ZNF37A: variants seen among roughly 807,000 people sequenced by gnomAD.
ZNF37A encodes zinc finger protein 37A, also known as zinc finger protein 37a (KOX 21).
Under a neutral mutation model 12.3 loss-of-function variants are expected in ZNF37A, and 10 were observed. The ratio of observed to expected loss-of-function variants is 0.82; its 90% CI spans 0.50 to 1.38. ZNF37A has a LOEUF of 1.38. Among genes scored for constraint, ZNF37A ranks in the 40% most tolerant of loss-of-function variants. The pLI is 0.00. For synonymous variants in ZNF37A, 207 were observed against 223.0 expected (o/e 0.93, Z 0.64); for missense variants, 580 against 651.2 (o/e 0.89, Z 1.19).
exon 8 of ZNF37A, chr10:38,148,663 G>A (rs66704357): frequency 0.22 from 33,519 of 151,868 alleles, 3,773 homozygotes; most frequent in Non-Finnish European, 0.24. Context: ...TTAACACCCC[G>A]CCTTTGATCC....
intron 5 of ZNF37A, among the ~76,000 whole-genome samples, chr10:38,102,406 A>G (rs1378280705): frequency 1.3e-5 from 2 of 152,202 alleles, no homozygotes; most frequent in Non-Finnish European, 1.5e-5. Context: ...AGCTTGCATT[A>G]ATACCAACTA....
chr10:38,149,479 T>C (rs1184230290), exon 8 of ZNF37A: 1 of 151,924 alleles, frequency 6.6e-6, no homozygotes, highest in African/African-American at 2.4e-5. Flanking sequence ...TAACCCCCAA[T>C]TCAGATTGTA....
chr10:38,146,366 C>T (rs1224342513), intron 7 of ZNF37A, among the ~76,000 whole-genome samples: 4 of 152,164 alleles, frequency 2.6e-5, no homozygotes, highest in African/African-American at 9.7e-5. Context: ...ATCAGCCTCC[C>T]AAAGTGCTGG....
downstream of ZNF37A, among the ~76,000 whole-genome samples, chr10:38,127,974 G>A (rs1334094283): frequency 6.6e-6 from 1 of 152,150 alleles, no homozygotes; most frequent in Non-Finnish European, 1.5e-5. Flanking sequence ...GAAACACATA[G>A]GCAGTTGAAA....
intron 5 of ZNF37A, among the ~76,000 whole-genome samples, chr10:38,102,888 C>G (rs1365700506): frequency 6.6e-6 from 1 of 151,968 alleles, no homozygotes; most frequent in Non-Finnish European, 1.5e-5. Flanking sequence ...CTGCCTCTGG[C>G]CTTCATGGTT....
At chr10:38,097,846 T>A (rs2067272911) in intron 5 of ZNF37A, among the ~76,000 whole-genome samples, 1 of 152,162 alleles carries the variant, frequency 6.6e-6, no homozygotes, top group Admixed American at 6.5e-5. Flanking sequence ...TAGAATTCAA[T>A]GACTTTAGTA....
At chr10:38,144,395 G>A (rs558078169) in intron 7 of ZNF37A, 1 of 152,146 alleles carries the variant, frequency 6.6e-6, no homozygotes, top group Non-Finnish European at 1.5e-5. Context: ...CTTACTGTCT[G>A]TATATTTTTG....
At position 38,114,933 on chromosome 10, in the gene ZNF37A, A is replaced by T. The variant is rs769070940; in HGVS notation, c.142+52A>T. 2.6e-6 allele frequency: 4 copies of T among 1,550,272 alleles called. No individual in the cohort carries two copies. In the Admixed American group the frequency reaches 8.5e-5, roughly 33 times the overall value. On this transcript the variant is annotated intron_variant, in intron 6 of 7. Coordinates refer to ENST00000685332, the MANE Select transcript of ZNF37A (RefSeq NM_001324250.3). Reference sequence around the variant, plus strand: ...AAGGCCAGAATGCATGTCCTTTCTTATCAATAGAAACTTGTGGAACTTTTG... The same window carrying T: ...AAGGCCAGAATGCATGTCCTTTCTTTTCAATAGAAACTTGTGGAACTTTTG...
chr10:38,109,644 C>G (rs1481101815), intron 5 of ZNF37A, among the ~76,000 whole-genome samples: 1 of 152,108 alleles, frequency 6.6e-6, no homozygotes. Flanking sequence ...TTCAGGAAAG[C>G]CTCAGGATAC....
chr10:38,129,319 A>AAAAAAAAAAAAAAAAAAAAAAAC, downstream of ZNF37A, among the ~76,000 whole-genome samples: 66 of 116,262 alleles, frequency 5.7e-4, 6 homozygotes, highest in African/African-American at 1.6e-3. Context: ...AAAAAAAAAA[A>AAAAAAAAAAAAAAAAAAAAAAAC]AAACTATTAT....
At chr10:38,127,544 T>C (rs1396021085), downstream of ZNF37A, among the ~76,000 whole-genome samples, 1 of 152,210 alleles carries the variant, frequency 6.6e-6, no homozygotes, top group African/African-American at 2.4e-5. Flanking sequence ...GGTGAATTTC[T>C]CTAAGTGCAC....
chr10:38,101,839 TTGAGACA>T (rs2067610815), intron 5 of ZNF37A, among the ~76,000 whole-genome samples: 2 of 139,594 alleles, frequency 1.4e-5, no homozygotes, highest in Admixed American at 1.5e-4. Context: ...TTTTTTTTTT[TTGAGACA>T]GAGTCTCACT....
At chr10:38,105,901 G>A (rs1219076269) in intron 5 of ZNF37A, among the ~76,000 whole-genome samples, 1 of 152,118 alleles carries the variant, frequency 6.6e-6, no homozygotes, top group Non-Finnish European at 1.5e-5. Flanking sequence ...ATGTTTTGTG[G>A]ATTATATGCT....
At position 38,117,990 on chromosome 10, in the gene ZNF37A, TC is replaced by T. The variant is rs1328348705; in HGVS notation, c.840del (p.Phe280LeufsTer151). The T allele has an allele frequency of 6.2e-7, 1 of 1,613,900 alleles. No homozygotes were observed. The highest frequency in any genetic ancestry group is 8.5e-7 in the Non-Finnish European group (1 of 1,180,028). ...GAATGTCATGAATGTGGAAAAACCT[TC>T]ACCCAGAAGTCAGCCCACACAAGAC... ...PYECHECGKT[F>X]TQKSAHTRHQ... On this transcript the variant is annotated frameshift_variant, in exon 8 of 8. Coordinates refer to ENST00000685332, the MANE Select transcript of ZNF37A (RefSeq NM_001324250.3). LOFTEE classifies it low-confidence loss of function (END_TRUNC).
chr10:38,115,915 G>A (rs2069237260), intron 7 of ZNF37A, among the ~76,000 whole-genome samples: 3 of 151,678 alleles, frequency 2.0e-5, no homozygotes, highest in South Asian at 4.2e-4. Flanking sequence ...CAGGCATGGT[G>A]GCACACACCT....
At chr10:38,101,180 GATATAGTC>G in intron 5 of ZNF37A, among the ~76,000 whole-genome samples, 1 of 152,110 alleles carries the variant, frequency 6.6e-6, no homozygotes, top group Middle Eastern at 3.4e-3. Context: ...TTTTAAGTTT[GATATAGTC>G]CAATTTATTT....
At chr10:38,134,084 T>C (rs991308370) in intron 7 of ZNF37A, among the ~76,000 whole-genome samples, 2 of 152,234 alleles carry the variant, frequency 1.3e-5, no homozygotes, top group African/African-American at 4.8e-5. Context: ...AATTGGCTAC[T>C]GAAGCTTGTG....
rs2069784484 is a variant in ZNF37A at position 38,122,784 on chromosome 10, T to C, written c.*3947T>C. 1.3e-5 allele frequency: 2 copies of C among 152,176 alleles called. No individual in the cohort carries two copies. The highest frequency in any genetic ancestry group is 2.9e-5 in the Non-Finnish European group (2 of 68,026). The allele number at this position is 152,176 out of a possible 1,614,324, so 9.4% of individuals were successfully genotyped here. ...GAGTGGGCAAAGATTTCTTGTGTAA[T>C]ACCTGACAAACAGGCAACCAAAGCA... On this transcript the variant is annotated 3_prime_UTR_variant, in exon 8 of 8. Transcript: ENST00000685332.
At chr10:38,115,166 G>A (rs2069166208) in intron 6 of ZNF37A, 29 bp from the exon 7 acceptor site, 1 of 1,597,384 alleles carries the variant, frequency 6.3e-7, no homozygotes. Context: ...CACCCAGTTT[G>A]TCCCAAGTAA....
Sources: gnomAD v4.1 joint callset for allele counts (sites outside exome capture counted in the v4.1 genomes callset) on GRCh38, gnomAD v4.1.1 for gene constraint, MANE v1.5 for transcripts, NCBI Gene and HGNC (gene_info 2026-07-23, HGNC 2026-07-21) for gene names.